The following ZNF438 variants were observed in gnomAD, a reference collection of about 807,000 sequenced individuals.
The protein encoded by ZNF438 is zinc finger protein 438.
ZNF438 carries 25 observed loss-of-function variants against 38.0 expected under a neutral mutation model. That is an observed-to-expected ratio of 0.66 (90% CI 0.48 to 0.92). The LOEUF (loss-of-function observed/expected upper bound fraction) is 0.92, where lower values mean the gene tolerates loss of function less well. ZNF438 is among the 40% of genes least tolerant of loss of function. The probability of loss-of-function intolerance (pLI) is 0.00; values close to 1 mark genes in which losing one functional copy is unlikely to be tolerated. For missense variants in ZNF438, 1,007 were observed against 999.6 expected, an observed-to-expected ratio of 1.01 and a Z score of -0.10; for synonymous variants, 372 against 364.1, an observed-to-expected ratio of 1.02 and a Z score of -0.25.
At chr10:30,953,037 T>A (rs1589392892) in intron 1 of ZNF438, among the ~76,000 whole-genome samples, 1 of 113,010 alleles carries the variant, frequency 8.8e-6, no homozygotes, top group African/African-American at 3.4e-5. Context: ...ATTAAGAAAA[T>A]GTGGCACATA....
At chr10:30,883,545 T>C (rs555807169) in intron 3 of ZNF438, among the ~76,000 whole-genome samples, 2 of 152,272 alleles carry the variant, frequency 1.3e-5, no homozygotes, top group Non-Finnish European at 2.9e-5. Context: ...TTAAGAAATA[T>C]AAAAATTGCT....
chr10:30,943,063 T>C (rs563001223), intron 1 of ZNF438, among the ~76,000 whole-genome samples: 1 of 152,330 alleles, frequency 6.6e-6, no homozygotes, highest in African/African-American at 2.4e-5. Flanking sequence ...AGAAGTCTGG[T>C]ATACTTTGAA....
At chr10:31,004,723 C>T (rs1189562767) in intron 1 of ZNF438, among the ~76,000 whole-genome samples, 1 of 151,786 alleles carries the variant, frequency 6.6e-6, no homozygotes, top group East Asian at 1.9e-4. Flanking sequence ...AAAGAATTTG[C>T]CGGAAAATAA....
chr10:30,875,020 C>T (rs2038189470), intron 4 of ZNF438, among the ~76,000 whole-genome samples: 1 of 152,042 alleles, frequency 6.6e-6, no homozygotes, highest in Admixed American at 6.6e-5. Context: ...ATGATTATCA[C>T]AATGGAGGCA....
rs550215513 is a variant in ZNF438, at chr10:30,932,918, C to G, written c.-115+8657G>C. On this transcript the variant is annotated intron_variant, in intron 2 of 5. Transcript: ENST00000413025. ...AGATTGGCATCATGCTACCACAAGG[C>G]AAGGAATGCCTGGGGCTACCAGAAG... Among the ~76,000 whole-genome samples, 30 of 152,238 alleles carry G rather than the reference C, an allele frequency of 2.0e-4. No homozygotes were observed. The South Asian group carries it at 6.2e-3, about 32-fold the overall frequency.
At chr10:30,945,340 G>C (rs1302913025) in intron 1 of ZNF438, among the ~76,000 whole-genome samples, 1 of 145,386 alleles carries the variant, frequency 6.9e-6, no homozygotes, top group Admixed American at 6.8e-5. Context: ...GCTCCCTCCA[G>C]TTTTCTTAAT....
At chr10:30,851,973 C>G (rs1006786720) in intron 4 of ZNF438, among the ~76,000 whole-genome samples, 11 of 151,480 alleles carry the variant, frequency 7.3e-5, no homozygotes, top group Non-Finnish European at 1.3e-4. Context: ...AACCTGGCCA[C>G]GTGATGAAAC....
chr10:30,844,836 C>T (rs2031492494), exon 6 of ZNF438: 3 of 1,212,036 alleles, frequency 2.5e-6, no homozygotes, highest in Non-Finnish European at 3.4e-6. Flanking sequence ...GTACAAAAAT[C>T]ATTTCTGTTC....
intron 5 of ZNF438, among the ~76,000 whole-genome samples, chr10:30,847,202 CAT>C (rs1178748770): frequency 6.6e-6 from 1 of 152,224 alleles, no homozygotes; most frequent in Non-Finnish European, 1.5e-5. Context: ...GGTTGCCAGT[CAT>C]GTGGACTGGA....
At chr10:30,932,572 C>T (rs892386814) in intron 2 of ZNF438, among the ~76,000 whole-genome samples, 3 of 152,194 alleles carry the variant, frequency 2.0e-5, no homozygotes, top group African/African-American at 7.2e-5. Context: ...CCCAAGATCA[C>T]ATAGCAAATA....
At chr10:30,949,281 A>G (rs572770523) in intron 1 of ZNF438, among the ~76,000 whole-genome samples, 161 of 152,322 alleles carry the variant, frequency 1.1e-3, no homozygotes, top group African/African-American at 3.7e-3. Context: ...AACCGGTACC[A>G]GCCACTGCAA....
chr10:30,849,123 C>A, exon 5 of ZNF438: 1 of 1,613,744 alleles, frequency 6.2e-7, no homozygotes, highest in Non-Finnish European at 8.5e-7. Flanking sequence ...TTCAGGGTCC[C>A]CAGCTTTTGG....
chr10:30,890,884 G>C (rs1284339291), intron 3 of ZNF438, among the ~76,000 whole-genome samples: 1 of 152,140 alleles, frequency 6.6e-6, no homozygotes, highest in Admixed American at 6.5e-5. Context: ...TCCCACAATG[G>C]AGGATGAAGA....
At chr10:30,985,195 A>T (rs2052633966) in intron 1 of ZNF438, among the ~76,000 whole-genome samples, 1 of 152,230 alleles carries the variant, frequency 6.6e-6, no homozygotes, top group African/African-American at 2.4e-5. Context: ...ATACCTAGGC[A>T]GGAGCAGGTA....
chr10:30,926,753 G>A (rs1052819952), intron 2 of ZNF438, among the ~76,000 whole-genome samples: 10 of 152,086 alleles, frequency 6.6e-5, no homozygotes, highest in African/African-American at 2.4e-4. Context: ...TTTGAGGGCA[G>A]AAATGAATGG....
At chr10:31,001,472 G>GAC (rs1030306485) in intron 1 of ZNF438, among the ~76,000 whole-genome samples, 27 of 152,270 alleles carry the variant, frequency 1.8e-4, no homozygotes, top group South Asian at 6.2e-4. Context: ...AATTGGACAG[G>GAC]ACACAGAGAG....
At chr10:30,927,288 A>G (rs1348475656) in intron 2 of ZNF438, among the ~76,000 whole-genome samples, 2 of 152,232 alleles carry the variant, frequency 1.3e-5, no homozygotes, top group Non-Finnish European at 2.9e-5. Flanking sequence ...CCCTTAAAAC[A>G]ATGCTCAAGC....
chr10:30,888,557 G>T (rs1293419548), intron 3 of ZNF438, among the ~76,000 whole-genome samples: 3 of 152,076 alleles, frequency 2.0e-5, no homozygotes, highest in Non-Finnish European at 4.4e-5. Context: ...AGGCTCCAGG[G>T]TCTGTTGTTC....
chr10:30,851,509 G>A (rs538802324), intron 4 of ZNF438, among the ~76,000 whole-genome samples: 1 of 152,290 alleles, frequency 6.6e-6, no homozygotes, highest in Non-Finnish European at 1.5e-5. Context: ...TCCCTTTTCT[G>A]AAATTTTTGG....
Sources: gnomAD v4.1 joint callset for allele counts (sites outside exome capture counted in the v4.1 genomes callset) on GRCh38, gnomAD v4.1.1 for gene constraint, MANE v1.5 for transcripts, NCBI Gene and HGNC (gene_info 2026-07-23, HGNC 2026-07-21) for gene names.